Variants in HS2ST1 observed in about 807,000 individuals in gnomAD.
HS2ST1 encodes the protein heparan sulfate 2-O-sulfotransferase 1.
Under a neutral mutation model 42.9 loss-of-function variants are expected in HS2ST1, and 18 were observed. The observed-to-expected ratio is 0.42, with a 90% CI of 0.29 to 0.62. The LOEUF is 0.62. Ranked by LOEUF, HS2ST1 falls within the 20% of genes least tolerant of loss-of-function variation. The pLI, the probability that HS2ST1 is intolerant of heterozygous loss-of-function variation, is 0.21. For missense variants in HS2ST1, 334 were observed against 433.8 expected (o/e 0.77, Z 2.04); for synonymous variants, 146 against 152.9 (o/e 0.95, Z 0.33).
intron 1 of HS2ST1, among the ~76,000 whole-genome samples, chr1:87,055,516 G>A (rs1650941804): frequency 6.6e-6 from 1 of 152,132 alleles, no homozygotes; most frequent in Non-Finnish European, 1.5e-5. Context: ...ATACTCAACT[G>A]TAAGCGTTAT....
At chr1:86,935,042 T>G (rs1660616650) in intron 1 of HS2ST1, among the ~76,000 whole-genome samples, 1 of 151,900 alleles carries the variant, frequency 6.6e-6, no homozygotes, top group Admixed American at 6.6e-5. Context: ...CCAGAAATCC[T>G]TAATGATATT....
intron 1 of HS2ST1, among the ~76,000 whole-genome samples, chr1:87,031,431 A>T (rs980594016): frequency 3.8e-5 from 4 of 104,684 alleles, no homozygotes; most frequent in African/African-American, 1.2e-4. Context: ...TAGATTATTT[A>T]TAAGATTCAT....
chr1:87,041,236 A>C (rs1007614451), intron 1 of HS2ST1, among the ~76,000 whole-genome samples: 6 of 98,424 alleles, frequency 6.1e-5, no homozygotes, highest in African/African-American at 2.1e-4. Context: ...AAAAAAAAAA[A>C]AAAACAAAAA....
intron 1 of HS2ST1, among the ~76,000 whole-genome samples, chr1:87,061,441 T>A (rs956416898): frequency 6.6e-6 from 1 of 152,156 alleles, no homozygotes; most frequent in Non-Finnish European, 1.5e-5. Context: ...AATATATTAA[T>A]ATATACTGTT....
intron 1 of HS2ST1, chr1:86,993,259 A>G (rs768601623): frequency 1.7e-6 from 2 of 1,159,236 alleles, no homozygotes; most frequent in Non-Finnish European, 2.4e-6. Context: ...AAAAACTGAT[A>G]ATAGGATTTG....
At chr1:87,002,583 AGAGT>A (rs1649320664) in intron 1 of HS2ST1, among the ~76,000 whole-genome samples, 1 of 151,340 alleles carries the variant, frequency 6.6e-6, no homozygotes, top group African/African-American at 2.4e-5. Flanking sequence ...CTAGGTGACA[AGAGT>A]GAGACCCTGG....
rs1660146968 is a variant in HS2ST1 at position 86,915,987 on chromosome 1, A to G, written c.124+827A>G. ...AAAAGTAGGATTATGCGGAAAGCTA[A>G]CCATATGGTTAAATACCTTAAAGGG... On this transcript the variant is annotated intron_variant, in intron 1 of 6. Transcript: ENST00000370550. Among the ~76,000 whole-genome samples the G allele has an allele frequency of 2.0e-5, 3 of 152,326 alleles. No homozygotes were observed. The South Asian group carries it at 6.2e-4, about 32-fold the overall frequency.
At chr1:86,923,565 A>G (rs1159393075) in intron 1 of HS2ST1, among the ~76,000 whole-genome samples, 1 of 151,596 alleles carries the variant, frequency 6.6e-6, no homozygotes, top group African/African-American at 2.4e-5. Flanking sequence ...CCTGGCCAAT[A>G]TTTTGTATTT....
chr1:87,034,305 AATCATTCTAAAGCAGTTGAAGTCT>A (rs1650317998), intron 1 of HS2ST1, among the ~76,000 whole-genome samples: 1 of 152,204 alleles, frequency 6.6e-6, no homozygotes, highest in Non-Finnish European at 1.5e-5. Context: ...ACACTTGGAG[AATCATTCTAAAGCAGTTGAAGTCT>A]CCCCAACACC....
chr1:87,065,077 G>C (rs1651214099), intron 1 of HS2ST1, among the ~76,000 whole-genome samples: 1 of 152,176 alleles, frequency 6.6e-6, no homozygotes, highest in Non-Finnish European at 1.5e-5. Flanking sequence ...TGTTTGGCTG[G>C]GCAGTCAACT....
rs1238033093 is a variant in HS2ST1 at position 87,073,132 on chromosome 1, A to G, written c.323A>G (p.Asn108Ser). ...AATAAATACCATGTCCTTCATATCA[A>G]CACTACCAAAAATAATCCAGTGATG... ...AKNKYHVLHI[N>S]TTKNNPVMSL... The change falls in exon 2 of 7, where the codon AAC becomes AGC. Residue 108 changes from asparagine to serine, a missense_variant. Transcript: ENST00000370550. 1.2e-6 allele frequency: 2 copies of G among 1,613,088 alleles called. No homozygotes were observed. The highest frequency in any genetic ancestry group is 2.7e-5 in the African/African-American group (2 of 74,906).
chr1:86,936,933 T>TAAA (rs60940882), intron 1 of HS2ST1, among the ~76,000 whole-genome samples: 205 of 98,368 alleles, frequency 2.1e-3, no homozygotes, highest in African/African-American at 6.9e-3. Flanking sequence ...CCGTCTCTAC[T>TAAA]AAAAAAAAAA....
chr1:87,098,433 T>C (rs1038393221), intron 5 of HS2ST1: 1 of 647,616 alleles, frequency 1.5e-6, no homozygotes, highest in Non-Finnish European at 1.9e-6. Context: ...ATAAGAACTG[T>C]ATTTCCTCAG....
intron 1 of HS2ST1, among the ~76,000 whole-genome samples, chr1:87,037,388 G>A (rs1056166170): frequency 6.8e-6 from 1 of 146,684 alleles, no homozygotes; most frequent in Non-Finnish European, 1.5e-5. Flanking sequence ...CTACTTGGTT[G>A]TAGTTATAAA....
At chr1:87,075,161 C>T (rs1651504984) in intron 2 of HS2ST1, among the ~76,000 whole-genome samples, 1 of 48,596 alleles carries the variant, frequency 2.1e-5, no homozygotes, top group African/African-American at 8.9e-5. Context: ...TCTCAGCTAC[C>T]TTTTTTTTTT....
Position 87,092,610 on chromosome 1 carries a change from C to T in HS2ST1, c.529C>T (p.Leu177=), listed in dbSNP as rs781006572. 12 of 1,590,826 alleles carry T rather than the reference C, an allele frequency of 7.5e-6. No individual in the cohort carries two copies. The Admixed American group carries it at 2.1e-4, about 28-fold the overall frequency. Residue 177 remains leucine, a synonymous_variant, in exon 4 of 7, where the codon CTG becomes TTG. Transcript: ENST00000370550. ...GAGGCTAGTTTCTTATTATTACTTT[C>T]TGAGATTTGGAGATGATTATAGACC... ...IERLVSYYYF[L]RFGDDYRPGL... is the part of the protein sequence containing the mutation.
intron 1 of HS2ST1, among the ~76,000 whole-genome samples, chr1:87,050,947 A>G (rs916935760): frequency 2.0e-5 from 3 of 152,154 alleles, no homozygotes; most frequent in African/African-American, 7.2e-5. Flanking sequence ...TGACTGTGCT[A>G]TATGTAACAT....
At chr1:86,920,018 G>A (rs1180603635) in intron 1 of HS2ST1, among the ~76,000 whole-genome samples, 1 of 152,126 alleles carries the variant, frequency 6.6e-6, no homozygotes, top group Non-Finnish European at 1.5e-5. Flanking sequence ...TTTCAAGAGC[G>A]CACTTGTTGC....
intron 2 of HS2ST1, among the ~76,000 whole-genome samples, chr1:87,082,281 C>A (rs774556494): frequency 1.4e-4 from 22 of 152,128 alleles, no homozygotes; most frequent in Non-Finnish European, 2.8e-4. Context: ...TATTGACCAT[C>A]CTTAGGAAGC....
Sources: gnomAD v4.1 joint callset for allele counts (sites outside exome capture counted in the v4.1 genomes callset) on GRCh38, gnomAD v4.1.1 for gene constraint, MANE v1.5 for transcripts, NCBI Gene and HGNC (gene_info 2026-07-23, HGNC 2026-07-21) for gene names.